ANKRD6: variants seen among roughly 807,000 people sequenced by gnomAD.
The protein encoded by ANKRD6 is ankyrin repeat domain-containing protein 6.
In ANKRD6, 56 loss-of-function variants were observed where a neutral mutation model predicts 82.3. That is an observed-to-expected ratio of 0.68 (90% CI 0.55 to 0.85). The LOEUF (loss-of-function observed/expected upper bound fraction) is 0.85. ANKRD6 is among the 40% of genes least tolerant of loss of function. The pLI is 0.00. For missense variants in ANKRD6, 852 were observed against 907.6 expected, an observed-to-expected ratio of 0.94 and a Z score of 0.79; for synonymous variants, 347 against 352.1, an observed-to-expected ratio of 0.99 and a Z score of 0.16.
chr6:89,629,466 AAAG>A, intron 15 of ANKRD6: 1 of 586,408 alleles, frequency 1.7e-6, no homozygotes, highest in Non-Finnish European at 3.1e-6. Context: ...TAAAGGAATT[AAAG>A]AATTGTTGAC....
At chr6:89,445,323 T>G (rs1456950490) in intron 1 of ANKRD6, among the ~76,000 whole-genome samples, 1 of 141,440 alleles carries the variant, frequency 7.1e-6, no homozygotes, top group Admixed American at 8.0e-5. Flanking sequence ...CAGGCTGGAG[T>G]GCAGTGGCAT....
chr6:89,609,832 G>T (rs1421776108), intron 5 of ANKRD6, among the ~76,000 whole-genome samples: 1 of 151,876 alleles, frequency 6.6e-6, no homozygotes, highest in Non-Finnish European at 1.5e-5. Flanking sequence ...GGATGGTCTT[G>T]ATCTCTTGAT....
chr6:89,485,143 C>T (rs1476924203), intron 1 of ANKRD6, among the ~76,000 whole-genome samples: 1 of 152,188 alleles, frequency 6.6e-6, no homozygotes, highest in Non-Finnish European at 1.5e-5. Flanking sequence ...AATGACACCC[C>T]TACGAGTAAC....
intron 1 of ANKRD6, among the ~76,000 whole-genome samples, chr6:89,439,927 C>T (rs1478316656): frequency 6.6e-6 from 1 of 152,138 alleles, no homozygotes; most frequent in Non-Finnish European, 1.5e-5. Flanking sequence ...GAACTCCTGA[C>T]CTCAAGTGAT....
chr6:89,463,406 G>A (rs1774445252), intron 1 of ANKRD6, among the ~76,000 whole-genome samples: 1 of 152,068 alleles, frequency 6.6e-6, no homozygotes, highest in Admixed American at 6.6e-5. Context: ...GTACATGAAT[G>A]TTTTGTACTC....
intron 1 of ANKRD6, among the ~76,000 whole-genome samples, chr6:89,540,846 A>G (rs1415750327): frequency 6.6e-6 from 1 of 152,126 alleles, no homozygotes; most frequent in Non-Finnish European, 1.5e-5. Context: ...CTGCATATGG[A>G]TATCCAGTTT....
intron 15 of ANKRD6, among the ~76,000 whole-genome samples, chr6:89,629,936 G>A (rs756037097): frequency 6.6e-6 from 1 of 152,214 alleles, no homozygotes; most frequent in Non-Finnish European, 1.5e-5. Flanking sequence ...GGCTTGTCGT[G>A]GAGCTCTGGG....
intron 1 of ANKRD6, among the ~76,000 whole-genome samples, chr6:89,551,264 C>G (rs1785809981): frequency 6.6e-6 from 1 of 152,192 alleles, no homozygotes; most frequent in South Asian, 2.1e-4. Flanking sequence ...CGCTGGTATG[C>G]TCACTGTCTT....
chr6:89,586,064 C>A (rs115307114), intron 2 of ANKRD6, among the ~76,000 whole-genome samples: 1,558 of 152,222 alleles, frequency 0.01, 37 homozygotes, highest in African/African-American at 0.036. Context: ...AAAAACAGAT[C>A]AATAAGAACA....
intron 1 of ANKRD6, among the ~76,000 whole-genome samples, chr6:89,512,502 A>G (rs1041264205): frequency 6.6e-6 from 1 of 152,202 alleles, no homozygotes; most frequent in Non-Finnish European, 1.5e-5. Context: ...GAGTGCAGTC[A>G]TGGGTTTTGG....
In ANKRD6 at chr6:89,613,849, C is replaced by T. The variant is rs372121493; in HGVS notation, c.574C>T (p.Leu192Phe). 9.1e-5 allele frequency: 147 copies of T among 1,613,896 alleles called. No homozygotes were observed. Among genetic ancestry groups the T allele is most frequent in the Non-Finnish European group, 1.2e-4 (139 of 1,179,884 alleles). The part of the protein sequence containing the change: ...ARYNHLSIIR[L>F]LLTAFCSVHE... ...CTATAATCACTTGTCCATCATTAGG[C>T]TCCTCCTCACTGCTTTCTGTTCTGT... The change falls in exon 7 of 16, where the codon CTC (leucine) becomes TTC (phenylalanine). Residue 192 changes from leucine (L) to phenylalanine (F), a missense_variant. Physicochemically the swap from Leu to Phe is conservative, Grantham distance 22. Transcript: ENST00000339746.
chr6:89,544,189 C>T (rs1421208187), intron 1 of ANKRD6, among the ~76,000 whole-genome samples: 3 of 152,218 alleles, frequency 2.0e-5, no homozygotes, highest in Non-Finnish European at 2.9e-5. Flanking sequence ...TTGACCTCCT[C>T]AATATTCTGC....
intron 2 of ANKRD6, among the ~76,000 whole-genome samples, chr6:89,574,961 T>A (rs1790770033): frequency 6.6e-6 from 1 of 152,180 alleles, no homozygotes; most frequent in Non-Finnish European, 1.5e-5. Flanking sequence ...CAGGGGAAAT[T>A]GTCCATTTTT....
chr6:89,533,351 T>G (rs1224123251), intron 1 of ANKRD6, among the ~76,000 whole-genome samples: 1 of 152,180 alleles, frequency 6.6e-6, no homozygotes, highest in Non-Finnish European at 1.5e-5. Context: ...GGCTTTAAAA[T>G]AATAATGAGT....
chr6:89,575,869 C>A (rs7745254), intron 2 of ANKRD6, among the ~76,000 whole-genome samples: 51,924 of 151,946 alleles, frequency 0.34, 9,116 homozygotes, highest in South Asian at 0.59. Context: ...ACTTCAACTC[C>A]TAGTGGGTGG....
intron 1 of ANKRD6, among the ~76,000 whole-genome samples, chr6:89,441,548 C>G (rs1771380156): frequency 6.6e-6 from 1 of 151,880 alleles, no homozygotes; most frequent in African/African-American, 2.4e-5. Flanking sequence ...AAGCCAAACT[C>G]CTGTAAAGCA....
At chr6:89,459,868 C>G (rs1209161054) in intron 1 of ANKRD6, among the ~76,000 whole-genome samples, 1 of 151,990 alleles carries the variant, frequency 6.6e-6, no homozygotes. Context: ...ATCTTCTTTC[C>G]ATAAACATTT....
chr6:89,465,177 T>C (rs989682261), intron 1 of ANKRD6, among the ~76,000 whole-genome samples: 3 of 150,684 alleles, frequency 2.0e-5, no homozygotes, highest in Non-Finnish European at 4.4e-5. Flanking sequence ...TGGAGTGCAG[T>C]GGAGCAATCT....
chr6:89,503,432 A>G (rs1441528345), intron 1 of ANKRD6, among the ~76,000 whole-genome samples: 1 of 152,100 alleles, frequency 6.6e-6, no homozygotes, highest in Non-Finnish European at 1.5e-5. Flanking sequence ...CTGTAGAAGG[A>G]GAGTTTAGGT....
Sources: allele counts gnomAD v4.1 joint callset (sites outside exome capture counted in the v4.1 genomes callset), GRCh38; gene constraint gnomAD v4.1.1; transcripts MANE v1.5; gene names NCBI Gene and HGNC (gene_info 2026-07-23, HGNC 2026-07-21).